Variants in RPGR observed in about 807,000 individuals in gnomAD.
RPGR encodes retinitis pigmentosa GTPase regulator.
In RPGR, 10 loss-of-function variants were observed where a neutral mutation model predicts 56.3. The observed-to-expected ratio is 0.18, with a 90% CI of 0.11 to 0.30. The LOEUF is 0.30. Ranked by LOEUF, RPGR falls within the 10% of genes least tolerant of loss-of-function variation. RPGR has a pLI of 1.00. For synonymous variants in RPGR, 197 were observed against 212.9 expected, an observed-to-expected ratio of 0.93 and a Z score of 0.65; for missense variants, 538 against 590.9, an observed-to-expected ratio of 0.91 and a Z score of 0.93.
Position 38,273,429 on chromosome X carries a change from T to C in RPGR, c.2198A>G (p.Asn733Ser). ...GTCTTTGCTTGGTGTTGTTTCACTG[T>C]TTTCTAGGATTTCTAATGAACTGCT... The change falls in exon 18 of 19, where the codon AAC (asparagine) becomes AGC (serine). Residue 733 changes from asparagine (N) to serine (S), a missense_variant. Asn to Ser is a conservative substitution (Grantham distance 46). Around this residue, in one of 2 missense-constraint regions of RPGR, gnomAD observed 357 missense variants for 325.8 expected, o/e 1.10. Coordinates refer to ENST00000642395, the MANE Select transcript of RPGR (RefSeq NM_000328.3). The C allele has an allele frequency of 8.3e-7, 1 of 1,206,864 alleles. No individual in the cohort carries two copies. The highest frequency in any genetic ancestry group is 1.1e-6 in the Non-Finnish European group (1 of 892,413).
intron 15 of RPGR, among the ~76,000 whole-genome samples, chrX:38,278,304 A>G (rs190410507): frequency 0.011 from 1,278 of 112,281 alleles, 20 homozygotes; most frequent in African/African-American, 0.039. Flanking sequence ...GCAGTGGCAC[A>G]ATCTTGGCTC....
At chrX:38,308,010 A>C (rs1441313376) in intron 7 of RPGR, 4 of 112,020 alleles carry the variant, frequency 3.6e-5, no homozygotes, top group Non-Finnish European at 7.5e-5. Context: ...ATTTTAGATT[A>C]TTCTCTGGAT....
intron 6 of RPGR, among the ~76,000 whole-genome samples, chrX:38,311,711 T>C (rs977116366): frequency 2.7e-5 from 3 of 111,610 alleles, no homozygotes; most frequent in African/African-American, 6.5e-5. Context: ...AACATCAACA[T>C]TGATGATGTG....
chrX:38,272,078 A>G (rs972526332), intron 18 of RPGR, among the ~76,000 whole-genome samples: 8 of 111,778 alleles, frequency 7.2e-5, no homozygotes, highest in Non-Finnish European at 1.1e-4. Context: ...TATGAAATTG[A>G]TGAAGGCCCT....
chrX:38,302,237 G>T (rs1277985403), intron 8 of RPGR, among the ~76,000 whole-genome samples: 1 of 111,475 alleles, frequency 9.0e-6, no homozygotes, highest in South Asian at 3.8e-4. Context: ...CAGGGAAGCA[G>T]AAGTAAGGGG....
At chrX:38,312,106 T>A (rs1391823842) in intron 6 of RPGR, among the ~76,000 whole-genome samples, 2 of 112,485 alleles carry the variant, frequency 1.8e-5, no homozygotes, top group Non-Finnish European at 3.7e-5. Flanking sequence ...GCACAAGATA[T>A]GCACCACTTA....
chrX:38,312,561 C>G (rs1338446956), intron 6 of RPGR, among the ~76,000 whole-genome samples: 1 of 111,749 alleles, frequency 8.9e-6, no homozygotes, highest in Non-Finnish European at 1.9e-5. Context: ...GGACTACTAA[C>G]CAGTCATATT....
chrX:38,317,198 C>A, intron 6 of RPGR, 118 bp downstream of exon 6: 1 of 765,671 alleles, frequency 1.3e-6, no homozygotes, highest in Non-Finnish European at 2.0e-6. Context: ...AAAATAATTT[C>A]ATTACATGGA....
intron 8 of RPGR, 116 bp from the exon 9 acceptor site, chrX:38,301,487 C>T (rs917478541): frequency 1.5e-6 from 1 of 680,653 alleles, no homozygotes; most frequent in Non-Finnish European, 2.2e-6. Context: ...TCAAATTCTG[C>T]CTTGAATTTA....
At chrX:38,273,624 A>G (rs1056355793) in intron 17 of RPGR, 2 of 405,519 alleles carry the variant, frequency 4.9e-6, no homozygotes, top group Non-Finnish European at 8.5e-6. Flanking sequence ...TCTACACTGC[A>G]TATTTCCTGA....
intron 5 of RPGR, 38 bp downstream of exon 5, chrX:38,318,791 A>C: frequency 8.3e-7 from 1 of 1,202,754 alleles, no homozygotes; most frequent in Non-Finnish European, 1.1e-6. Flanking sequence ...TCTACAGGAA[A>C]GGAATGTGTC....
At chrX:38,316,413 C>T (rs2067830168) in intron 6 of RPGR, among the ~76,000 whole-genome samples, 1 of 111,814 alleles carries the variant, frequency 8.9e-6, no homozygotes, top group South Asian at 3.7e-4. Context: ...TTCATTCAGG[C>T]AGTTTTCTTA....
Position 38,286,305 on chromosome X carries a change from CTCCTCTTCTCCCTCCCCTTCTCCT to C in RPGR, c.1905+765_1905+788del. The C allele has an allele frequency of 4.1e-6, 3 of 737,847 alleles. No individual in the cohort carries two copies. Among genetic ancestry groups the C allele is most frequent in the South Asian group, 2.6e-5 (1 of 38,129 alleles). 60.8% of individuals were successfully genotyped at this position (737,847 alleles called of 1,213,427 possible). A position where few individuals can be genotyped will look rare whatever the true frequency, so the allele number is the denominator to read the frequency against. On this transcript the variant is annotated intron_variant, in intron 15 of 18. Coordinates refer to ENST00000642395, the MANE Select transcript of RPGR (RefSeq NM_000328.3). ...CCTCTTCTCCCTCCCCTTCTCCTTC[CTCCTCTTCTCCCTCCCCTTCTCCT>C]TCCTCTTCTCCCTCCCCTTCTCCTT...
intron 6 of RPGR, among the ~76,000 whole-genome samples, chrX:38,313,559 T>G (rs1276291107): frequency 5.3e-5 from 6 of 112,342 alleles, no homozygotes; most frequent in African/African-American, 1.9e-4. Context: ...CACATCCTCC[T>G]CTTCCTCTTG....
intron 15 of RPGR, among the ~76,000 whole-genome samples, chrX:38,283,232 C>T (rs2147184896): frequency 9.0e-6 from 1 of 111,628 alleles, no homozygotes; most frequent in African/African-American, 3.3e-5. Flanking sequence ...AAATGTTCGC[C>T]CAACAGTGGG....
At position 38,276,626 on chromosome X, in the gene RPGR, T is replaced by C; in HGVS notation, c.2052A>G (p.Glu684=). The C allele has an allele frequency of 8.3e-7, 1 of 1,211,227 alleles. No individual in the cohort carries two copies. The highest frequency in any genetic ancestry group is 1.1e-6 in the Non-Finnish European group (1 of 895,210). ...CAGCTGAGCTATCATCATTGGTTCT[T>C]TCTGCTCCTTCTGTTTTACTGTGAT... Residue 684 remains glutamate (E), a synonymous_variant, in exon 16 of 19, where the codon GAA becomes GAG. Transcript: ENST00000642395.
intron 8 of RPGR, chrX:38,303,914 G>C (rs1173936610): frequency 7.0e-6 from 2 of 287,187 alleles, no homozygotes; most frequent in Non-Finnish European, 1.2e-5. Flanking sequence ...TTCATATTTA[G>C]ACAGAAATAG....
rs774619361 is a variant in RPGR, at chrX:38,297,428, T to C, written c.1270A>G (p.Met424Val). ...TCTATTGGAGGTAGTGTTCTCCTCA[T>C]TGAAAAAGAATCTGGAGACCTCTCC... Residue 424 changes from methionine (M) to valine (V), a missense_variant, in exon 11 of 19, where the codon ATG becomes GTG. Physicochemically the swap from Met to Val is conservative, Grantham distance 21. This residue lies in a region of RPGR where 357 missense variants were observed against 325.8 expected (regional missense o/e 1.10). Transcript: ENST00000642395. 4.1e-6 allele frequency: 5 copies of C among 1,208,828 alleles called. No homozygotes were observed. Among genetic ancestry groups the C allele is most frequent in the South Asian group, 3.5e-5 (2 of 56,800 alleles).
rs1395186587 is a variant in RPGR at position 38,291,035 on chromosome X, T to C, written c.1507-11A>G. 7 of 794,029 alleles carry C rather than the reference T, an allele frequency of 8.8e-6. No homozygotes were observed. In the South Asian group the frequency reaches 1.6e-4, roughly 18 times the overall value. The allele number at this position is 794,029 out of a possible 1,213,427, so 65.4% of individuals were successfully genotyped here. On this transcript the variant is annotated splice_polypyrimidine_tract_variant and intron_variant, in intron 12 of 18. Transcript: ENST00000642395. ...GCTCATGATGTGTGTCTGAAATAAA[T>C]AAAAAATATATATTATAAAAAGAAT...
Sources: allele counts gnomAD v4.1 joint callset (sites outside exome capture counted in the v4.1 genomes callset), GRCh38; gene constraint gnomAD v4.1.1; regional missense constraint gnomAD v4.1.1; transcripts MANE v1.5; gene names NCBI Gene and HGNC (gene_info 2026-07-23, HGNC 2026-07-21).